The following TBC1D19 variants were observed in gnomAD, a reference collection of about 807,000 sequenced individuals.
The protein encoded by TBC1D19 is TBC1 domain family member 19, also known as TBC1 domain family, member 19.
In TBC1D19, 60 loss-of-function variants were observed where a neutral mutation model predicts 89.0. The observed-to-expected ratio is 0.67, with a 90% CI of 0.55 to 0.84. The LOEUF (loss-of-function observed/expected upper bound fraction) is 0.84. Among genes scored for constraint, TBC1D19 ranks in the 40% least tolerant of loss-of-function variants. The pLI is 0.00. For synonymous variants in TBC1D19, 189 were observed against 199.7 expected (o/e 0.95, Z 0.45); for missense variants, 500 against 610.8 (o/e 0.82, Z 1.91).
At chr4:26,687,987 A>G (rs1713961103) in intron 12 of TBC1D19, among the ~76,000 whole-genome samples, 3 of 152,112 alleles carry the variant, frequency 2.0e-5, no homozygotes, top group African/African-American at 7.2e-5. Context: ...TTGAACAGTG[A>G]GATTGGAACA....
chr4:26,755,501 A>G lies in TBC1D19; in HGVS notation c.*554A>G, dbSNP rs979741934. 2 of 152,144 alleles carry G rather than the reference A, an allele frequency of 1.3e-5. No individual in the cohort carries two copies. The highest frequency in any genetic ancestry group is 4.8e-5 in the African/African-American group (2 of 41,446). 9.4% of individuals were successfully genotyped at this position (152,144 alleles called of 1,614,324 possible). On this transcript the variant is annotated 3_prime_UTR_variant, in exon 21 of 21. Coordinates refer to ENST00000264866, the MANE Select transcript of TBC1D19 (RefSeq NM_018317.4). ...ACTTTTTACACCCCAGGGATTTTCT[A>G]CATTTCTCTCCATTTTATTTCTCTC...
At chr4:26,661,124 C>A (rs928430035) in intron 8 of TBC1D19, among the ~76,000 whole-genome samples, 19 of 152,110 alleles carry the variant, frequency 1.2e-4, no homozygotes, top group Non-Finnish European at 2.5e-4. Context: ...CATCACCATG[C>A]CTACTCAGAT....
the TBC1D19 span, among the ~76,000 whole-genome samples, chr4:26,835,956 G>A: frequency 5.4e-5 from 8 of 149,324 alleles, no homozygotes; most frequent in East Asian, 9.8e-4. Context: ...CATGCATTCT[G>A]GTTCTTGCAT....
intron 8 of TBC1D19, among the ~76,000 whole-genome samples, chr4:26,661,223 C>G (rs1469716281): frequency 6.6e-6 from 1 of 152,130 alleles, no homozygotes; most frequent in Non-Finnish European, 1.5e-5. Context: ...AGACATAGAG[C>G]AGGACAGGAA....
chr4:26,683,552 A>G (rs922367814), intron 11 of TBC1D19, 123 bp from the exon 12 acceptor site: 17 of 660,222 alleles, frequency 2.6e-5, no homozygotes, highest in Non-Finnish European at 4.1e-5. Context: ...TGAGGGTTAT[A>G]GTAGTGCCTA....
At chr4:26,791,230 A>G in the TBC1D19 span, among the ~76,000 whole-genome samples, 1 of 152,156 alleles carries the variant, frequency 6.6e-6, no homozygotes, top group South Asian at 2.1e-4. Flanking sequence ...AAGAGCCACC[A>G]TGGTGGAGGA....
At chr4:26,618,346 A>G (rs1317375384) in intron 3 of TBC1D19, among the ~76,000 whole-genome samples, 2 of 152,236 alleles carry the variant, frequency 1.3e-5, no homozygotes, top group Non-Finnish European at 2.9e-5. Flanking sequence ...GGCTGAGATC[A>G]GAAAGCTAAG....
chr4:26,641,310 T>G (rs147770287), intron 7 of TBC1D19, among the ~76,000 whole-genome samples: 1,713 of 152,114 alleles, frequency 0.011, 34 homozygotes, highest in African/African-American at 0.04. Context: ...TCCAGCAAAC[T>G]CCAACAGACC....
At chr4:26,805,216 G>T in the TBC1D19 span, among the ~76,000 whole-genome samples, 1 of 152,226 alleles carries the variant, frequency 6.6e-6, no homozygotes, top group African/African-American at 2.4e-5. Flanking sequence ...GTAAAAGTAA[G>T]CTGTTGCTAC....
At chr4:26,749,492 C>T (rs1718836096) in intron 19 of TBC1D19, among the ~76,000 whole-genome samples, 1 of 146,972 alleles carries the variant, frequency 6.8e-6, no homozygotes, top group African/African-American at 2.5e-5. Context: ...TGTGGCCCAA[C>T]CTGGGGTACA....
At chr4:26,659,268 C>T (rs1473851996) in intron 7 of TBC1D19, among the ~76,000 whole-genome samples, 2 of 151,924 alleles carry the variant, frequency 1.3e-5, no homozygotes, top group African/African-American at 4.8e-5. Flanking sequence ...TTCTTATCAC[C>T]TTCTCTGGTA....
chr4:26,762,575 G>A, the TBC1D19 span, among the ~76,000 whole-genome samples: 1 of 152,100 alleles, frequency 6.6e-6, no homozygotes, highest in Non-Finnish European at 1.5e-5. Context: ...CATCCTTCCT[G>A]TGATAGGAAA....
At chr4:26,719,406 A>C (rs1716840465) in intron 14 of TBC1D19, among the ~76,000 whole-genome samples, 1 of 152,126 alleles carries the variant, frequency 6.6e-6, no homozygotes, top group Non-Finnish European at 1.5e-5. Context: ...TAAAAATACA[A>C]GTGACTTTTC....
At chr4:26,729,495 T>C (rs1241486903) in intron 15 of TBC1D19, among the ~76,000 whole-genome samples, 2 of 152,226 alleles carry the variant, frequency 1.3e-5, no homozygotes, top group Non-Finnish European at 2.9e-5. Context: ...ACCATGAGAA[T>C]GCAGAAGAAT....
intron 10 of TBC1D19, 78 bp downstream of exon 10, chr4:26,672,265 C>T: frequency 8.7e-7 from 1 of 1,149,336 alleles, no homozygotes; most frequent in East Asian, 7.1e-5. Context: ...AGATAACCTC[C>T]AGGTGAAATT....
At chr4:26,608,825 G>T (rs1000835838) in intron 1 of TBC1D19, among the ~76,000 whole-genome samples, 1 of 151,542 alleles carries the variant, frequency 6.6e-6, no homozygotes, top group African/African-American at 2.4e-5. Context: ...CTTGTTTTGG[G>T]GGGGAGGAAA....
At chr4:26,808,741 A>AG in the TBC1D19 span, among the ~76,000 whole-genome samples, 90 of 150,386 alleles carry the variant, frequency 6.0e-4, no homozygotes, top group East Asian at 4.5e-3. Context: ...AAAAAAAAAA[A>AG]AAAAAGAAAA....
chr4:26,851,311 A>ATCTATCTGTCTGTCTG, the TBC1D19 span, among the ~76,000 whole-genome samples: 87 of 114,900 alleles, frequency 7.6e-4, 1 homozygote, highest in African/African-American at 2.0e-3. Context: ...TACCCTATCT[A>ATCTATCTGTCTGTCTG]TCTATCTATC....
intron 1 of TBC1D19, among the ~76,000 whole-genome samples, chr4:26,594,526 C>G (rs1473917796): frequency 6.6e-6 from 1 of 152,154 alleles, no homozygotes; most frequent in African/African-American, 2.4e-5. Flanking sequence ...CCCTGTTTCT[C>G]TAGCTGTGCA....
Sources: gnomAD v4.1 joint callset for allele counts (sites outside exome capture counted in the v4.1 genomes callset) on GRCh38, gnomAD v4.1.1 for gene constraint, MANE v1.5 for transcripts, NCBI Gene and HGNC (gene_info 2026-07-23, HGNC 2026-07-21) for gene names.